CDK5RAP2: variants seen among roughly 807,000 people sequenced by gnomAD.
The protein encoded by CDK5RAP2 is CDK5 regulatory subunit associated protein 2.
In CDK5RAP2, 147 loss-of-function variants were observed where a neutral mutation model predicts 232.9. The ratio of observed to expected loss-of-function variants is 0.63; its 90% CI spans 0.55 to 0.72. CDK5RAP2 has a LOEUF of 0.72. Among genes scored for constraint, CDK5RAP2 ranks in the 30% least tolerant of loss-of-function variants. The pLI, the probability that CDK5RAP2 is intolerant of heterozygous loss-of-function variation, is 0.00. For synonymous variants in CDK5RAP2, 833 were observed against 833.7 expected (o/e 1.00, Z 0.01); for missense variants, 2,195 against 2,231.5 (o/e 0.98, Z 0.33).
chr9:120,558,977 C>T (rs548824541), intron 3 of CDK5RAP2, among the ~76,000 whole-genome samples: 96 of 152,240 alleles, frequency 6.3e-4, no homozygotes, highest in Admixed American at 4.1e-3. Context: ...ACACAGTAGA[C>T]GTTCAACAAA....
chr9:120,484,275 A>G (rs1407043267), intron 14 of CDK5RAP2, among the ~76,000 whole-genome samples: 1 of 152,234 alleles, frequency 6.6e-6, no homozygotes, highest in African/African-American at 2.4e-5. Context: ...AAGAACTACG[A>G]TCTGAAAAGC....
intron 1 of CDK5RAP2, among the ~76,000 whole-genome samples, chr9:120,577,892 A>C (rs2043094528): frequency 6.6e-6 from 1 of 152,252 alleles, no homozygotes; most frequent in Non-Finnish European, 1.5e-5. Context: ...ATCTGAGAGA[A>C]TAATAATGGA....
At chr9:120,454,325 C>T (rs991030311) in intron 20 of CDK5RAP2, among the ~76,000 whole-genome samples, 1 of 152,162 alleles carries the variant, frequency 6.6e-6, no homozygotes, top group Non-Finnish European at 1.5e-5. Flanking sequence ...GCTGGTCCAT[C>T]GATGACCTAA....
intron 11 of CDK5RAP2, among the ~76,000 whole-genome samples, chr9:120,524,439 G>A (rs1017547574): frequency 1.3e-5 from 2 of 152,100 alleles, no homozygotes; most frequent in Non-Finnish European, 2.9e-5. Flanking sequence ...TTAGGAGTTC[G>A]AGACCAGCCT....
In CDK5RAP2 at chr9:120,403,473, G is replaced by A; in HGVS notation, c.5042-402C>T. 1 of 291,808 alleles carries A rather than the reference G, an allele frequency of 3.4e-6. No homozygotes were observed. Among genetic ancestry groups the A allele is most frequent in the Non-Finnish European group, 6.5e-6 (1 of 152,804 alleles). 18.1% of individuals were successfully genotyped at this position (291,808 alleles called of 1,614,324 possible). A position where few individuals can be genotyped will look rare whatever the true frequency, so the allele number is the denominator to read the frequency against. ...ACAATTATCTGTGCAGGGAGGGAGAGAACAGGGAAGGCTTCTGAGAAGGAG... is the reference window on the plus strand; with the variant it reads ...ACAATTATCTGTGCAGGGAGGGAGAAAACAGGGAAGGCTTCTGAGAAGGAG... On this transcript the variant is annotated intron_variant, in intron 33 of 37. Transcript: ENST00000349780. This position sits in a 1 kb window ranked among gnomAD's most constrained non-coding sequence, Gnocchi z 4.2.
chr9:120,487,469 G>T (rs766819978), intron 13 of CDK5RAP2, 32 bp from the exon 14 acceptor site: 1 of 1,523,918 alleles, frequency 6.6e-7, no homozygotes, highest in East Asian at 2.3e-5. Context: ...TAAGGAAATT[G>T]TCATCAAGAA....
intron 3 of CDK5RAP2, among the ~76,000 whole-genome samples, chr9:120,552,635 T>C (rs981641847): frequency 1.3e-4 from 18 of 138,030 alleles, no homozygotes; most frequent in East Asian, 6.4e-4. Flanking sequence ...TAGGTGGGAA[T>C]TGAACAATGA....
intron 15 of CDK5RAP2, among the ~76,000 whole-genome samples, chr9:120,472,112 C>T (rs939690084): frequency 6.6e-6 from 1 of 152,168 alleles, no homozygotes; most frequent in Non-Finnish European, 1.5e-5. Flanking sequence ...CAATCTTTTC[C>T]CCTATGCGTA....
Position 120,419,912 on chromosome 9 carries a change from A to T in CDK5RAP2, c.4053T>A (p.Pro1351=). 1 of 1,613,962 alleles carries T rather than the reference A, an allele frequency of 6.2e-7. No homozygotes were observed. The highest frequency in any genetic ancestry group is 2.2e-5 in the East Asian group (1 of 44,884). Residue 1351 remains proline, a synonymous_variant, in exon 27 of 38, where the codon CCT becomes CCA. Transcript: ENST00000349780. The part of the protein sequence containing the change: ...LTYQHLLPES[P]EPSASHALSD... The stretch of plus-strand genomic sequence containing the variant: ...AGAGCGCATGAGAGGCTGAAGGCTC[A>T]GGAGATTCAGGCAGAAGATGTTGGT...
intron 25 of CDK5RAP2, among the ~76,000 whole-genome samples, chr9:120,429,360 C>T (rs2035132348): frequency 6.6e-6 from 1 of 151,980 alleles, no homozygotes; most frequent in Non-Finnish European, 1.5e-5. Flanking sequence ...CTAGAAAACC[C>T]CATTGTCTCA....
At chr9:120,455,736 CAAAAAAAA>C in intron 20 of CDK5RAP2, among the ~76,000 whole-genome samples, 1 of 131,542 alleles carries the variant, frequency 7.6e-6, no homozygotes, top group East Asian at 2.2e-4. Flanking sequence ...AACCTTGTGT[CAAAAAAAA>C]AAAAAAATCA....
intron 14 of CDK5RAP2, among the ~76,000 whole-genome samples, chr9:120,480,744 A>G (rs1490512937): frequency 1.3e-5 from 2 of 152,218 alleles, no homozygotes; most frequent in African/African-American, 2.4e-5. Context: ...CTGATCCAGG[A>G]GAATACTGTT....
intron 8 of CDK5RAP2, among the ~76,000 whole-genome samples, chr9:120,529,622 T>A (rs990857816): frequency 1.3e-5 from 2 of 152,180 alleles, no homozygotes; most frequent in Non-Finnish European, 2.9e-5. Flanking sequence ...GCCTCACACC[T>A]ACTTCTAACC....
intron 12 of CDK5RAP2, among the ~76,000 whole-genome samples, chr9:120,509,151 A>T (rs964444676): frequency 3.3e-5 from 5 of 152,224 alleles, no homozygotes; most frequent in African/African-American, 1.2e-4. Flanking sequence ...TATAGGGATC[A>T]ATCAGCTGGA....
intron 11 of CDK5RAP2, 88 bp from the exon 12 acceptor site, chr9:120,518,733 G>C: frequency 3.0e-6 from 3 of 1,010,234 alleles, no homozygotes; most frequent in African/African-American, 1.6e-5. Context: ...TCGCCGTGGG[G>C]GAAAAAAAGA....
At chr9:120,469,313 C>G (rs796583604) in intron 17 of CDK5RAP2, among the ~76,000 whole-genome samples, 61 of 152,276 alleles carry the variant, frequency 4.0e-4, no homozygotes, top group African/African-American at 1.2e-3. Context: ...TGAGCTCACC[C>G]CCCCATCTCC....
chr9:120,419,477 C>T (rs917557877), intron 27 of CDK5RAP2, among the ~76,000 whole-genome samples: 2 of 152,130 alleles, frequency 1.3e-5, no homozygotes, highest in African/African-American at 4.8e-5. Context: ...TTGAAATAAA[C>T]AATAGGAAAT....
intron 22 of CDK5RAP2, among the ~76,000 whole-genome samples, chr9:120,445,465 G>A (rs949361898): frequency 6.6e-6 from 1 of 152,126 alleles, no homozygotes; most frequent in Non-Finnish European, 1.5e-5. Flanking sequence ...CATGCTTGCT[G>A]TCTCCAATCT....
At chr9:120,473,938 G>C (rs2037860624) in intron 15 of CDK5RAP2, among the ~76,000 whole-genome samples, 1 of 152,122 alleles carries the variant, frequency 6.6e-6, no homozygotes, top group South Asian at 2.1e-4. Flanking sequence ...GTGAGGAGTT[G>C]GGAGAACAAA....
Sources: gnomAD v4.1 joint callset for allele counts (sites outside exome capture counted in the v4.1 genomes callset) on GRCh38, gnomAD v4.1.1 for gene constraint, Gnocchi (gnomAD v3.1) non-coding constraint, MANE v1.5 for transcripts, NCBI Gene and HGNC (gene_info 2026-07-23, HGNC 2026-07-21) for gene names.